The following ADARB1 variants were observed in gnomAD, a reference collection of about 807,000 sequenced individuals.
ADARB1 encodes double-stranded RNA-specific editase 1.
Under a neutral mutation model 52.4 loss-of-function variants are expected in ADARB1, and 10 were observed. The ratio of observed to expected loss-of-function variants is 0.19; its 90% CI spans 0.12 to 0.32. ADARB1 has a LOEUF of 0.32. Among genes scored for constraint, ADARB1 ranks in the 10% least tolerant of loss-of-function variants. ADARB1 has a pLI of 1.00. For missense variants in ADARB1, 643 were observed against 922.3 expected, an observed-to-expected ratio of 0.70 and a Z score of 3.92; for synonymous variants, 349 against 371.1, an observed-to-expected ratio of 0.94 and a Z score of 0.68.
chr21:45,148,904 T>C (rs1404430800), intron 2 of ADARB1, among the ~76,000 whole-genome samples: 3 of 152,300 alleles, frequency 2.0e-5, no homozygotes, highest in African/African-American at 7.2e-5. Context: ...TGGCCTGAGG[T>C]AGGGCTGTGA....
intron 1 of ADARB1, among the ~76,000 whole-genome samples, chr21:45,096,680 A>G (rs548979841): frequency 6.6e-6 from 1 of 152,360 alleles, no homozygotes; most frequent in African/African-American, 2.4e-5. Context: ...ATTGTCACCC[A>G]GAAGTGCTCC....
chr21:45,106,183 C>G (rs1174210567), intron 1 of ADARB1, among the ~76,000 whole-genome samples: 1 of 97,554 alleles, frequency 1.0e-5, no homozygotes. Context: ...TTGTTAAATC[C>G]CGTGGGAGGC....
chr21:45,178,896 C>G, intron 4 of ADARB1, among the ~76,000 whole-genome samples: 1 of 152,174 alleles, frequency 6.6e-6, no homozygotes, highest in East Asian at 1.9e-4. Flanking sequence ...AAGCATCAGC[C>G]CCAGCACCAG....
At position 45,220,898 on chromosome 21, in the gene ADARB1, G is replaced by A. The variant is rs2092952819; in HGVS notation, c.1810G>A (p.Val604Ile). The A allele has an allele frequency of 2.5e-6, 4 of 1,613,470 alleles. No individual in the cohort carries two copies. The highest frequency in any genetic ancestry group is 1.1e-5 in the South Asian group (1 of 91,088). Residue 604 changes from valine (V) to isoleucine (I), a missense_variant, in exon 10 of 11, where the codon GTA (valine) becomes ATA (isoleucine). Val to Ile is a conservative substitution (Grantham distance 29, BLOSUM62 3). Coordinates refer to ENST00000348831, the MANE Select transcript of ADARB1 (RefSeq NM_001112.4). The surrounding 1 kb of genome is among the most constrained non-coding windows in gnomAD (Gnocchi z 6.3). The part of the protein sequence containing the change: ...KAPNFSVNWT[V>I]GDSAIEVINA... ...CCCCAACTTCAGTGTCAACTGGACG[G>A]TAGGCGACTCCGCTATTGAGGTCAT...
chr21:45,143,713 G>T (rs2089857991), intron 2 of ADARB1, among the ~76,000 whole-genome samples: 1 of 152,196 alleles, frequency 6.6e-6, no homozygotes, highest in Non-Finnish European at 1.5e-5. Context: ...GGTTTCAGGT[G>T]CTGCGGCTAC....
chr21:45,174,684 TAC>T (rs1482706809), intron 3 of ADARB1, among the ~76,000 whole-genome samples: 4 of 45,728 alleles, frequency 8.7e-5, no homozygotes, highest in African/African-American at 2.9e-4. Context: ...GTCTCAAAAA[TAC>T]ATACATACAT....
chr21:45,144,690 G>C (rs1384566308), intron 2 of ADARB1: 1 of 450,048 alleles, frequency 2.2e-6, no homozygotes, highest in African/African-American at 2.0e-5. Flanking sequence ...TGAGGGCATT[G>C]CTTCAACTCT....
intron 9 of ADARB1, among the ~76,000 whole-genome samples, chr21:45,215,296 C>G (rs752144217): frequency 6.6e-6 from 1 of 152,172 alleles, no homozygotes; most frequent in Non-Finnish European, 1.5e-5. Flanking sequence ...AACCCGCCTG[C>G]CTCAGTCTCC....
intron 1 of ADARB1, among the ~76,000 whole-genome samples, chr21:45,113,423 AAAAAC>A (rs1039865285): frequency 2.0e-5 from 3 of 152,084 alleles, no homozygotes; most frequent in Non-Finnish European, 1.5e-5. Flanking sequence ...ACTCTGTCTC[AAAAAC>A]AAAACAAAAC....
At chr21:45,077,250 A>C (rs1568986457) in intron 1 of ADARB1, among the ~76,000 whole-genome samples, 2 of 152,330 alleles carry the variant, frequency 1.3e-5, no homozygotes, top group East Asian at 3.9e-4. Context: ...TTCAAATAGG[A>C]GGTAGTTAAC....
intron 2 of ADARB1, among the ~76,000 whole-genome samples, chr21:45,164,804 G>T (rs980895043): frequency 1.3e-5 from 2 of 152,190 alleles, no homozygotes; most frequent in African/African-American, 2.4e-5. Context: ...TCCTGCACAA[G>T]CTGAGTGGTA....
At chr21:45,086,582 T>C (rs943458910) in intron 1 of ADARB1, among the ~76,000 whole-genome samples, 2 of 152,248 alleles carry the variant, frequency 1.3e-5, no homozygotes, top group Admixed American at 6.5e-5. Context: ...AAGCAGCTCA[T>C]GTCCTGTGTC....
At chr21:45,218,960 C>A (rs1407819815) in intron 9 of ADARB1, among the ~76,000 whole-genome samples, 1 of 152,118 alleles carries the variant, frequency 6.6e-6, no homozygotes, top group East Asian at 1.9e-4. Context: ...AATTATCAAG[C>A]TCAATATATA....
intron 2 of ADARB1, among the ~76,000 whole-genome samples, chr21:45,169,664 G>C (rs2091402539): frequency 6.6e-6 from 1 of 152,210 alleles, no homozygotes; most frequent in African/African-American, 2.4e-5. Flanking sequence ...TCTTCCCACT[G>C]AGGAAGTTCC....
At chr21:45,141,379 CTGTTT>C (rs1281948614) in intron 2 of ADARB1, among the ~76,000 whole-genome samples, 1 of 152,100 alleles carries the variant, frequency 6.6e-6, no homozygotes, top group African/African-American at 2.4e-5. Flanking sequence ...GATTGCCATT[CTGTTT>C]TATTTTTAGT....
intron 2 of ADARB1, among the ~76,000 whole-genome samples, chr21:45,132,812 A>C (rs989175140): frequency 6.6e-5 from 10 of 152,216 alleles, no homozygotes; most frequent in African/African-American, 1.2e-4. Context: ...CAGGAGAGTA[A>C]GATGTTACCT....
intron 9 of ADARB1, among the ~76,000 whole-genome samples, chr21:45,210,197 T>C (rs2092740629): frequency 6.6e-6 from 1 of 152,216 alleles, no homozygotes; most frequent in Non-Finnish European, 1.5e-5. Flanking sequence ...AGTTCTCCTT[T>C]TGCATACTGA....
chr21:45,150,826 T>G (rs1001876535), intron 2 of ADARB1, among the ~76,000 whole-genome samples: 14 of 152,228 alleles, frequency 9.2e-5, no homozygotes, highest in African/African-American at 3.4e-4. Flanking sequence ...TCTTGTCTGA[T>G]CCATGTCCAG....
chr21:45,181,026 C>A (rs2091912611), intron 5 of ADARB1, among the ~76,000 whole-genome samples: 1 of 152,178 alleles, frequency 6.6e-6, no homozygotes, highest in Non-Finnish European at 1.5e-5. Context: ...GAAGGGAAGC[C>A]ACATCCTTGG....
Sources: gnomAD v4.1 joint callset for allele counts (sites outside exome capture counted in the v4.1 genomes callset) on GRCh38, gnomAD v4.1.1 for gene constraint, Gnocchi (gnomAD v3.1) non-coding constraint, MANE v1.5 for transcripts, NCBI Gene and HGNC (gene_info 2026-07-23, HGNC 2026-07-21) for gene names.